The following EXTL3 variants were observed in gnomAD, a reference collection of about 807,000 sequenced individuals.
EXTL3 encodes the protein exostosin like glycosyltransferase 3.
EXTL3 carries 27 observed loss-of-function variants against 69.3 expected under a neutral mutation model. The observed-to-expected ratio is 0.39, with a 90% CI of 0.29 to 0.54. The LOEUF (loss-of-function observed/expected upper bound fraction) is 0.54, where lower values mean the gene tolerates loss of function less well. EXTL3 is among the 20% of genes least tolerant of loss of function. The pLI is 0.69. For synonymous variants in EXTL3, 511 were observed against 499.4 expected, an observed-to-expected ratio of 1.02 and a Z score of -0.31; for missense variants, 1,003 against 1,231.8, an observed-to-expected ratio of 0.81 and a Z score of 2.78.
At chr8:28,621,008 C>A (rs1806403536), upstream of EXTL3, among the ~76,000 whole-genome samples, 1 of 152,184 alleles carries the variant, frequency 6.6e-6, no homozygotes, top group African/African-American at 2.4e-5. Flanking sequence ...AGCCACAGTG[C>A]CCATTGTTGG....
At position 28,717,397 on chromosome 8, in the gene EXTL3, G is replaced by A; in HGVS notation, c.1338G>A (p.Gly446=). ...PGDPRLVISS[G]CATRLFEALE... ...ACCCTCGCTTGGTTATTTCCTCTGG[G>A]TGTGCAACACGGCTCTTCGAAGCCC... Residue 446 remains glycine, a synonymous_variant, in exon 3 of 7, where the codon GGG becomes GGA. Coordinates refer to ENST00000220562, the MANE Select transcript of EXTL3 (RefSeq NM_001440.4). This position sits in a 1 kb window ranked among gnomAD's most constrained non-coding sequence, Gnocchi z 8.3. 1 of 1,614,192 alleles carries A rather than the reference G, an allele frequency of 6.2e-7. No homozygotes were observed. Among genetic ancestry groups the A allele is most frequent in the Non-Finnish European group, 8.5e-7 (1 of 1,180,038 alleles).
At chr8:28,691,572 A>ATTTTTTTTTTTTTT (rs71222571) in intron 1 of EXTL3, among the ~76,000 whole-genome samples, 3 of 135,482 alleles carry the variant, frequency 2.2e-5, no homozygotes, top group African/African-American at 6.4e-5. Context: ...AGTTTTTGTG[A>ATTTTTTTTTTTTTT]TTTTTTTTTT....
At position 28,718,158 on chromosome 8, in the gene EXTL3, A is replaced by G. The variant is rs1801207726; in HGVS notation, c.2099A>G (p.Lys700Arg). The stretch of plus-strand genomic sequence containing the variant: ...GTCGTGGTGGTGTGGAATTCTCCCA[A>G]GCTGCCATCAGAGGACCTTCTGTGG... Reference protein sequence around the residue: ...NKVVVVWNSPKLPSEDLLWPD... With the variant: ...NKVVVVWNSPRLPSEDLLWPD... The change falls in exon 3 of 7, where the codon AAG becomes AGG. Residue 700 changes from lysine (K) to arginine (R), a missense_variant. This residue lies in a region of EXTL3 where 261 missense variants were observed against 416.4 expected (regional missense o/e 0.63). Transcript: ENST00000220562. 1 of 1,614,140 alleles carries G rather than the reference A, an allele frequency of 6.2e-7. No homozygotes were observed. The highest frequency in any genetic ancestry group is 8.5e-7 in the Non-Finnish European group (1 of 1,180,016).
At chr8:28,712,805 T>C (rs1801057432) in intron 1 of EXTL3, among the ~76,000 whole-genome samples, 1 of 152,246 alleles carries the variant, frequency 6.6e-6, no homozygotes, top group African/African-American at 2.4e-5. Flanking sequence ...GTTTCTGCCC[T>C]CAGCTCTGCT....
chr8:28,671,076 G>C (rs1043305047), intron 1 of EXTL3, among the ~76,000 whole-genome samples: 2 of 151,596 alleles, frequency 1.3e-5, no homozygotes, highest in African/African-American at 4.9e-5. Flanking sequence ...CGCCTCCCGG[G>C]TTGAAGCGAT....
At chr8:28,680,248 G>C (rs1462110440) in intron 1 of EXTL3, among the ~76,000 whole-genome samples, 1 of 151,794 alleles carries the variant, frequency 6.6e-6, no homozygotes, top group East Asian at 1.9e-4. Context: ...AAAATTAGCT[G>C]GGCATGATGG....
intron 1 of EXTL3, among the ~76,000 whole-genome samples, chr8:28,684,718 G>A (rs1807548458): frequency 6.6e-6 from 1 of 151,982 alleles, no homozygotes; most frequent in South Asian, 2.1e-4. Context: ...CTGCAGCCTG[G>A]GCAACAGAGT....
In EXTL3 at chr8:28,716,787, G is replaced by C. The variant is rs780119052; in HGVS notation, c.728G>C (p.Gly243Ala). 1.2e-6 allele frequency: 2 copies of C among 1,614,258 alleles called. No individual in the cohort carries two copies. The highest frequency in any genetic ancestry group is 2.2e-5 in the East Asian group (1 of 44,890). The change falls in exon 3 of 7, where the codon GGA (glycine) becomes GCA (alanine). Residue 243 changes from glycine (G) to alanine (A), a missense_variant. By Grantham distance (60) the Gly-to-Ala change is moderately conservative (BLOSUM62 0). Around this residue, in one of 2 missense-constraint regions of EXTL3, gnomAD observed 742 missense variants for 815.4 expected, o/e 0.91. Coordinates refer to ENST00000220562, the MANE Select transcript of EXTL3 (RefSeq NM_001440.4). This position sits in a 1 kb window ranked among gnomAD's most constrained non-coding sequence, Gnocchi z 7.1. ...GCCTGCCTTTACGTGATACTAGTGG[G>C]AGAGATGCAGGAGCCGGTGGTGCTG... The part of the protein sequence containing the change: ...DIACLYVILV[G>A]EMQEPVVLRP...
rs546457214 is a variant in EXTL3, at chr8:28,717,005, G to T, written c.946G>T (p.Val316Leu). ...VQYRPGFDLV[V>L]SPLVHAMSEP... is the part of the protein sequence containing the mutation. ...GTACAGACCTGGCTTTGACTTGGTC[G>T]TATCACCGCTGGTCCATGCCATGTC... is the stretch of plus-strand genomic sequence containing the variant. Residue 316 changes from valine (V) to leucine (L), a missense_variant, in exon 3 of 7, where the codon GTA (valine) becomes TTA (leucine). By Grantham distance (32) the Val-to-Leu change is conservative (BLOSUM62 1). This residue lies in a region of EXTL3 where 742 missense variants were observed against 815.4 expected (regional missense o/e 0.91). Coordinates refer to ENST00000220562, the MANE Select transcript of EXTL3 (RefSeq NM_001440.4). This position sits in a 1 kb window ranked among gnomAD's most constrained non-coding sequence, Gnocchi z 8.3. The T allele has an allele frequency of 1.9e-6, 3 of 1,614,200 alleles. No individual in the cohort carries two copies. The Admixed American group carries it at 5.0e-5, about 27-fold the overall frequency.
chr8:28,707,322 T>G (rs1800944323), intron 1 of EXTL3, among the ~76,000 whole-genome samples: 1 of 152,342 alleles, frequency 6.6e-6, no homozygotes, highest in Non-Finnish European at 1.5e-5. Flanking sequence ...TTTCCTATCC[T>G]TGGTGATACA....
chr8:28,670,588 C>T (rs116499679), intron 1 of EXTL3, among the ~76,000 whole-genome samples: 3,684 of 152,216 alleles, frequency 0.024, 77 homozygotes, highest in South Asian at 0.052. Context: ...AAGGAAGAAG[C>T]GATGTCTCAG....
intron 1 of EXTL3, among the ~76,000 whole-genome samples, chr8:28,685,479 T>C (rs1325510612): frequency 6.7e-6 from 1 of 149,970 alleles, no homozygotes; most frequent in African/African-American, 2.4e-5. Context: ...TTTTAAAACA[T>C]AGGCTAGTTG....
In EXTL3 at chr8:28,677,518, G is replaced by A. The variant is rs143495273; in HGVS notation, c.-52-35939G>A. Among the ~76,000 whole-genome samples, 1,127 of 152,258 alleles carry A rather than the reference G, an allele frequency of 7.4e-3. 11 individuals carry two copies. The highest frequency in any genetic ancestry group is 0.025 in the African/African-American group (1,042 of 41,540). On this transcript the variant is annotated intron_variant, in intron 1 of 6. Coordinates refer to the EXTL3 transcript ENST00000523149. ...AGGATAAAGGAAAATTTCAAAAAAC[G>A]TATGATCATTATTGCAAAATTGTGT...
At position 28,716,552 on chromosome 8, in the gene EXTL3, G is replaced by A. The variant is rs375243395; in HGVS notation, c.493G>A (p.Asp165Asn). The change falls in exon 3 of 7, where the codon GAT (aspartate) becomes AAT (asparagine). Residue 165 changes from aspartate to asparagine, a missense_variant. Asp to Asn is a conservative substitution (Grantham distance 23, BLOSUM62 1). Transcript: ENST00000220562. This position sits in a 1 kb window ranked among gnomAD's most constrained non-coding sequence, Gnocchi z 7.1. ...LPIRLLPEKD[D>N]AGLPPPKATR... The stretch of plus-strand genomic sequence containing the variant: ...CATCCGACTGCTCCCAGAGAAGGAC[G>A]ATGCCGGCCTCCCTCCCCCGAAGGC... 42 of 1,614,158 alleles carry A rather than the reference G, an allele frequency of 2.6e-5. No individual in the cohort carries two copies. The highest frequency in any genetic ancestry group is 3.5e-5 in the Non-Finnish European group (41 of 1,180,042).
chr8:28,710,194 G>T lies in EXTL3; in HGVS notation c.-569-3263G>T, dbSNP rs183625108. On this transcript the variant is annotated intron_variant, in intron 1 of 6. Transcript: ENST00000220562. ...CTTGCTGCCATTGAACGTCTGAGGT[G>T]TAGATGTCTGTGTTGCTGACCACTG... Among the ~76,000 whole-genome samples, 174 of 152,302 alleles carry T rather than the reference G, an allele frequency of 1.1e-3. 2 individuals are homozygous for T. The highest frequency in any genetic ancestry group is 3.9e-3 in the African/African-American group (162 of 41,566).
intron 2 of EXTL3, among the ~76,000 whole-genome samples, chr8:28,613,848 T>A (rs933305226): frequency 1.4e-5 from 1 of 73,156 alleles, no homozygotes; most frequent in Admixed American, 1.3e-4. Context: ...CACAGGTGTA[T>A]TTTTTTTTTT....
intron 1 of EXTL3, among the ~76,000 whole-genome samples, chr8:28,684,090 T>A (rs935814781): frequency 6.6e-6 from 1 of 152,318 alleles, no homozygotes; most frequent in East Asian, 1.9e-4. Context: ...CTATCCATGT[T>A]GCTGCAGGTG....
chr8:28,704,392 C>T (rs1160333922), intron 1 of EXTL3, among the ~76,000 whole-genome samples: 1 of 152,228 alleles, frequency 6.6e-6, no homozygotes, highest in Non-Finnish European at 1.5e-5. Flanking sequence ...AAGCTGTATT[C>T]CAGTGAAACT....
chr8:28,688,060 CTTTTTT>C (rs149041444), intron 1 of EXTL3, among the ~76,000 whole-genome samples: 1 of 131,952 alleles, frequency 7.6e-6, no homozygotes, highest in African/African-American at 2.8e-5. Context: ...GAAGAGATGA[CTTTTTT>C]TTTTTTTTTT....
Sources: gnomAD v4.1 joint callset for allele counts (sites outside exome capture counted in the v4.1 genomes callset) on GRCh38, gnomAD v4.1.1 for gene constraint, gnomAD v4.1.1 regional missense constraint, Gnocchi (gnomAD v3.1) non-coding constraint, MANE v1.5 for transcripts, NCBI Gene and HGNC (gene_info 2026-07-23, HGNC 2026-07-21) for gene names.